FBN1: variants seen among roughly 807,000 people sequenced by gnomAD.
The protein encoded by FBN1 is fibrillin-1.
A neutral mutation model predicts 365.1 loss-of-function variants in FBN1; 29 were observed. The observed-to-expected ratio is 0.08, with a 90% CI of 0.06 to 0.11. The LOEUF is 0.11. Among genes scored for constraint, FBN1 ranks in the 10% least tolerant of loss-of-function variants. The pLI is 1.00. For missense variants in FBN1, 2,476 were observed against 3,703.2 expected (o/e 0.67, Z 8.60); for synonymous variants, 1,210 against 1,270.5 (o/e 0.95, Z 1.01).
At chr15:48,423,054 G>A (rs2042955155) in intron 60 of FBN1, among the ~76,000 whole-genome samples, 2 of 152,162 alleles carry the variant, frequency 1.3e-5, no homozygotes, top group South Asian at 4.1e-4. Context: ...GCTTTGACCA[G>A]GCCTCTTTTC....
intron 6 of FBN1, among the ~76,000 whole-genome samples, chr15:48,591,175 T>G (rs951083686): frequency 6.6e-6 from 1 of 152,226 alleles, no homozygotes; most frequent in Non-Finnish European, 1.5e-5. Flanking sequence ...ATTTTTAGTA[T>G]TTTTTAAATC....
intron 64 of FBN1, among the ~76,000 whole-genome samples, chr15:48,413,317 T>C (rs1329966627): frequency 2.0e-5 from 3 of 152,232 alleles, no homozygotes; most frequent in African/African-American, 7.2e-5. Flanking sequence ...AATTTAATAA[T>C]AAACTATGAA....
chr15:48,542,920 T>C (rs1042982913), intron 6 of FBN1, among the ~76,000 whole-genome samples: 7 of 152,038 alleles, frequency 4.6e-5, no homozygotes, highest in African/African-American at 1.4e-4. Context: ...CAACTACTTA[T>C]CTGAAAGTCT....
intron 40 of FBN1, 101 bp from the exon 41 acceptor site, chr15:48,464,122 G>C: frequency 8.8e-7 from 1 of 1,137,922 alleles, no homozygotes; most frequent in South Asian, 1.3e-5. Flanking sequence ...AAATCTATAG[G>C]GTATTTTCAA....
At chr15:48,491,541 C>G (rs551248021) in intron 24 of FBN1, among the ~76,000 whole-genome samples, 1 of 151,996 alleles carries the variant, frequency 6.6e-6, no homozygotes, top group African/African-American at 2.4e-5. Context: ...TTAGTAGAAA[C>G]GGGGTTTCAC....
chr15:48,490,168 A>T (rs1215532633), intron 24 of FBN1, 90 bp from the exon 25 acceptor site: 1 of 1,093,758 alleles, frequency 9.1e-7, no homozygotes, highest in African/African-American at 1.5e-5. Context: ...AATACTGCAC[A>T]CATAATAATT....
At chr15:48,525,557 G>A (rs1227676158) in intron 9 of FBN1, among the ~76,000 whole-genome samples, 1 of 152,104 alleles carries the variant, frequency 6.6e-6, no homozygotes, top group South Asian at 2.1e-4. Flanking sequence ...TGTGCCCTCC[G>A]CAATCCCTGC....
intron 32 of FBN1, 38 bp downstream of exon 32, chr15:48,481,617 C>T (rs760156338): frequency 1.2e-6 from 2 of 1,608,038 alleles, no homozygotes; most frequent in South Asian, 1.1e-5. Context: ...AATCTCTTAA[C>T]TACTTAATAT....
chr15:48,569,504 A>G (rs2044288897), intron 6 of FBN1, among the ~76,000 whole-genome samples: 1 of 152,174 alleles, frequency 6.6e-6, no homozygotes, highest in Non-Finnish European at 1.5e-5. Flanking sequence ...ATGGTCAGAC[A>G]AAGACTTGTA....
rs765591910 is a variant in FBN1, at chr15:48,411,048, T to G, written c.8558A>C (p.Tyr2853Ser). ...ATTATCACCCAGTTCACCACTGAGG[T>G]AGTCTTTGTCATATTTGTCTTCTAG... is the stretch of plus-strand genomic sequence containing the variant. ...NQLEDKYDKDYLSGELGDNLK... is the reference protein window; with the variant it reads ...NQLEDKYDKDSLSGELGDNLK... Residue 2853 changes from tyrosine (Y) to serine (S), a missense_variant, in exon 66 of 66, where the codon TAC becomes TCC. Transcript: ENST00000316623. 6.2e-7 allele frequency: 1 copy of G among 1,613,936 alleles called. No individual in the cohort carries two copies. The highest frequency in any genetic ancestry group is 8.5e-7 in the Non-Finnish European group (1 of 1,179,934).
intron 6 of FBN1, among the ~76,000 whole-genome samples, chr15:48,556,775 G>A (rs1325201281): frequency 6.6e-6 from 1 of 152,074 alleles, no homozygotes; most frequent in Non-Finnish European, 1.5e-5. Flanking sequence ...ATCCCCTCAC[G>A]TGTCAAGCGG....
intron 4 of FBN1, among the ~76,000 whole-genome samples, 196 bp from the exon 5 acceptor site, chr15:48,600,430 G>A (rs557816016): frequency 9.8e-5 from 15 of 152,330 alleles, no homozygotes; most frequent in South Asian, 2.1e-4. Context: ...CCGGCTAGGC[G>A]CAGTGGCTCA....
At chr15:48,445,613 T>C (rs2043152791) in intron 47 of FBN1, 109 bp from the exon 48 acceptor site, 1 of 1,245,660 alleles carries the variant, frequency 8.0e-7, no homozygotes. Flanking sequence ...TTTAGTGGCC[T>C]TTGCTGGCTT....
intron 6 of FBN1, among the ~76,000 whole-genome samples, chr15:48,586,969 T>TA (rs2044440966): frequency 6.6e-6 from 1 of 152,190 alleles, no homozygotes; most frequent in Admixed American, 6.5e-5. Flanking sequence ...TGAGTTAAAC[T>TA]AAGTAAAAAC....
chr15:48,436,908 A>G lies in FBN1; in HGVS notation c.6496+53T>C, dbSNP rs1444106542. ...TTCATGGCTATACAGTGAATACTGT[A>G]TAGCTTAATTTTTAATTTGTAAAGT... On this transcript the variant is annotated intron_variant, in intron 53 of 65. Transcript: ENST00000316623. 4 of 1,117,004 alleles carry G rather than the reference A, an allele frequency of 3.6e-6. No homozygotes were observed. In the East Asian group the frequency reaches 7.0e-5, roughly 20 times the overall value. 69.2% of individuals were successfully genotyped at this position (1,117,004 alleles called of 1,614,324 possible).
At chr15:48,503,228 C>T (rs1407281430) in intron 17 of FBN1, among the ~76,000 whole-genome samples, 1 of 141,286 alleles carries the variant, frequency 7.1e-6, no homozygotes, top group Admixed American at 7.4e-5. Context: ...ACCCGGGAGG[C>T]GGAGGTGGCA....
In FBN1 at chr15:48,448,980, T is replaced by C. The variant is rs376009543; in HGVS notation, c.5546-87A>G. 2.2e-5 allele frequency: 25 copies of C among 1,139,792 alleles called. No homozygotes were observed. In the South Asian group the frequency reaches 2.7e-4, roughly 12 times the overall value. The allele number at this position is 1,139,792 out of a possible 1,614,324, so 70.6% of individuals were successfully genotyped here. On this transcript the variant is annotated intron_variant, in intron 45 of 65. Transcript: ENST00000316623. ...TTCTAGCTATCATTCTCAGGAGTAATCCTAGCTCTAAACTAAGTTAGTGAA... is the reference window on the plus strand; with the variant it reads ...TTCTAGCTATCATTCTCAGGAGTAACCCTAGCTCTAAACTAAGTTAGTGAA...
chr15:48,518,884 T>C (rs2043828063), intron 10 of FBN1, among the ~76,000 whole-genome samples: 1 of 152,186 alleles, frequency 6.6e-6, no homozygotes, highest in African/African-American at 2.4e-5. Context: ...GCTCTATAAA[T>C]CTGTTTTGCC....
intron 61 of FBN1, 57 bp from the exon 62 acceptor site, chr15:48,421,743 T>G: frequency 6.3e-7 from 1 of 1,587,038 alleles, no homozygotes; most frequent in Non-Finnish European, 8.6e-7. Context: ...TCTCTTTGTA[T>G]CATTTAAAAG....
Sources: allele counts gnomAD v4.1 joint callset (sites outside exome capture counted in the v4.1 genomes callset), GRCh38; gene constraint gnomAD v4.1.1; transcripts MANE v1.5; gene names NCBI Gene and HGNC (gene_info 2026-07-23, HGNC 2026-07-21).